Variants in GYPB observed in about 807,000 individuals in gnomAD.
GYPB encodes glycophorin B (MNS blood group), also known as glycophorin-B.
GYPB carries 13 observed loss-of-function variants against 15.3 expected under a neutral mutation model. The ratio of observed to expected loss-of-function variants is 0.85; its 90% CI spans 0.55 to 1.35. The LOEUF (loss-of-function observed/expected upper bound fraction) is 1.35. Among genes scored for constraint, GYPB ranks in the 40% most tolerant of loss-of-function variants. The probability of loss-of-function intolerance (pLI) is 0.00; values close to 1 mark genes in which losing one functional copy is unlikely to be tolerated. For synonymous variants in GYPB, 38 were observed against 36.9 expected, an observed-to-expected ratio of 1.03 and a Z score of -0.11; for missense variants, 131 against 108.3, an observed-to-expected ratio of 1.21 and a Z score of -0.93.
intron 1 of GYPB, among the ~76,000 whole-genome samples, chr4:144,001,490 C>T (rs1459331901): frequency 6.6e-6 from 1 of 151,440 alleles, no homozygotes; most frequent in Non-Finnish European, 1.5e-5. Flanking sequence ...CCAGAAGCCC[C>T]TCCAGAATTT....
chr4:144,014,369 C>A (rs1186077141), intron 1 of GYPB, among the ~76,000 whole-genome samples: 2 of 151,736 alleles, frequency 1.3e-5, no homozygotes, highest in Admixed American at 1.3e-4. Flanking sequence ...GATCGATAAG[C>A]AAAATGTGAT....
In GYPB at chr4:144,012,747, G is replaced by T. The variant is rs1475428409; in HGVS notation, c.37+6504C>A. ...GATAGTCTCTTCAACAAATGGTGCT[G>T]GGACAACTGCAAAATAATAAAGGTG... On this transcript the variant is annotated intron_variant, in intron 1 of 4. Transcript: ENST00000502664. The T allele has an allele frequency of 2.0e-5, 3 of 151,354 alleles. No homozygotes were observed. The East Asian group carries it at 5.8e-4, about 29-fold the overall frequency. The allele number at this position is 151,354 out of a possible 1,614,324, so 9.4% of individuals were successfully genotyped here.
intron 1 of GYPB, chr4:144,002,429 A>T (rs1468223950): frequency 3.1e-6 from 1 of 326,008 alleles, no homozygotes; most frequent in Non-Finnish European, 5.7e-6. Flanking sequence ...GAAGATTTTT[A>T]TGACTGCAGA....
At chr4:144,006,387 G>A (rs544299505) in intron 1 of GYPB, among the ~76,000 whole-genome samples, 1,956 of 151,894 alleles carry the variant, frequency 0.013, 138 homozygotes, top group African/African-American at 0.045. Context: ...CCAAGGAGGT[G>A]GGGTGACTTG....
At chr4:143,995,735 G>C (rs1464881147), downstream of GYPB, among the ~76,000 whole-genome samples, 1 of 151,280 alleles carries the variant, frequency 6.6e-6, no homozygotes, top group African/African-American at 2.5e-5. Flanking sequence ...AAGATCAATG[G>C]ATACTAAAGT....
chr4:144,017,620 A>C lies in GYPB; in HGVS notation c.37+1631T>G, dbSNP rs76082523. ...GCTTGTGTAGTTGTAGAAATTTAAAAAAAAAATCATTTCTTTGCCAGGAAC... is the reference window on the plus strand; with the variant it reads ...GCTTGTGTAGTTGTAGAAATTTAAACAAAAAATCATTTCTTTGCCAGGAAC... On this transcript the variant is annotated intron_variant, in intron 1 of 4. Coordinates refer to ENST00000502664, the MANE Select transcript of GYPB (RefSeq NM_002100.6). Among the ~76,000 whole-genome samples the C allele has an allele frequency of 4.0e-5, 6 of 151,130 alleles. 1 individual carries two copies. Among genetic ancestry groups the C allele is most frequent in the African/African-American group, 1.5e-4 (6 of 40,506 alleles).
rs573445000 is a variant in GYPB at position 144,006,292 on chromosome 4, T to C, written c.38-5009A>G. Among the ~76,000 whole-genome samples, 5 of 152,074 alleles carry C rather than the reference T, an allele frequency of 3.3e-5. No homozygotes were observed. The South Asian group carries it at 1.0e-3, about 31-fold the overall frequency. ...GCTTATACTTGTATAACATCGGATATGTTCCAGAACATTTCACCTCTCTTG... is the reference window on the plus strand; with the variant it reads ...GCTTATACTTGTATAACATCGGATACGTTCCAGAACATTTCACCTCTCTTG... On this transcript the variant is annotated intron_variant, in intron 1 of 4. Coordinates refer to ENST00000502664, the MANE Select transcript of GYPB (RefSeq NM_002100.6).
intron 2 of GYPB, chr4:144,000,026 C>G: frequency 5.3e-6 from 1 of 188,178 alleles, no homozygotes; most frequent in South Asian, 1.2e-4. Context: ...AGTCCACATC[C>G]TACTTTTGTC....
rs1487255816 is a variant in GYPB at position 143,996,345 on chromosome 4, T to A, written c.271-41A>T. 3 of 1,550,006 alleles carry A rather than the reference T, an allele frequency of 1.9e-6. No homozygotes were observed. The Admixed American group carries it at 5.9e-5, about 30-fold the overall frequency. ...AAGAAGTTTCCACTTCAGCCTCTGC[T>A]TGACCATGAGCTAAGACTCCACTTC... On this transcript the variant is annotated intron_variant, in intron 4 of 4. Transcript: ENST00000502664.
chr4:144,005,832 T>A (rs6817686), intron 1 of GYPB, among the ~76,000 whole-genome samples: 147,048 of 151,446 alleles, frequency 0.97, 71,781 homozygotes, highest in East Asian at 1. Flanking sequence ...CTTGCAAATG[T>A]ATCACTGGAT....
chr4:143,995,246 A>G (rs143756556), downstream of GYPB, among the ~76,000 whole-genome samples: 1 of 151,484 alleles, frequency 6.6e-6, no homozygotes, highest in Admixed American at 6.6e-5. Flanking sequence ...GAATTTATAC[A>G]TTCAAAGCAG....
intron 1 of GYPB, among the ~76,000 whole-genome samples, chr4:144,002,955 T>A (rs563730075): frequency 0.016 from 2,425 of 150,880 alleles, 97 homozygotes; most frequent in African/African-American, 0.041. Context: ...ATATGAATTC[T>A]CCAAATAGCA....
Position 144,019,328 on chromosome 4 carries a change from A to G in GYPB, c.-41T>C, listed in dbSNP as rs199894522. 17 of 1,611,528 alleles carry G rather than the reference A, an allele frequency of 1.1e-5. No homozygotes were observed. The highest frequency in any genetic ancestry group is 1.4e-5 in the Non-Finnish European group (16 of 1,179,326). On this transcript the variant is annotated 5_prime_UTR_variant, in exon 1 of 5. Coordinates refer to ENST00000502664, the MANE Select transcript of GYPB (RefSeq NM_002100.6). ...TGGTTCCTGAAGTTAGTGCAAAAAA[A>G]CTACCAAAGACAACTGCAAGTGTCA...
At chr4:144,003,349 A>G (rs1727724992) in intron 1 of GYPB, among the ~76,000 whole-genome samples, 1 of 151,332 alleles carries the variant, frequency 6.6e-6, no homozygotes, top group Non-Finnish European at 1.5e-5. Context: ...CTTGTGTTCA[A>G]GAGTGGCCAA....
In GYPB at chr4:143,997,636, TA is replaced by T; in HGVS notation, c.176-3del. 1 of 1,479,610 alleles carries T rather than the reference TA, an allele frequency of 6.8e-7. No individual in the cohort carries two copies. Among genetic ancestry groups the T allele is most frequent in the Non-Finnish European group, 9.4e-7 (1 of 1,060,242 alleles). 91.7% of individuals were successfully genotyped at this position (1,479,610 alleles called of 1,614,324 possible). ...TAATGAGTATTATCACTACAGGAGC[TA>T]AAGAGAGCAGCAAAATTATGAAAGT... On this transcript the variant is annotated splice_polypyrimidine_tract_variant and splice_region_variant and intron_variant, in intron 3 of 4. Transcript: ENST00000502664.
chr4:143,999,320 T>C, intron 3 of GYPB, 91 bp downstream of exon 3: 1 of 717,268 alleles, frequency 1.4e-6, no homozygotes, highest in Non-Finnish European at 2.5e-6. Context: ...CTCTTCTGTT[T>C]TAAGATAGAC....
intron 2 of GYPB, among the ~76,000 whole-genome samples, chr4:144,000,939 A>G (rs2667333): frequency 0.012 from 1,876 of 151,194 alleles, 102 homozygotes; most frequent in African/African-American, 0.042. Context: ...TCATGGTCAC[A>G]TGTATCATTT....
chr4:144,004,223 A>G (rs1481815146), intron 1 of GYPB, among the ~76,000 whole-genome samples: 2 of 151,868 alleles, frequency 1.3e-5, no homozygotes, highest in Non-Finnish European at 2.9e-5. Flanking sequence ...TAAATGCCCT[A>G]AAGATAATTT....
chr4:144,010,367 G>T (rs932435164), intron 1 of GYPB, among the ~76,000 whole-genome samples: 1 of 151,382 alleles, frequency 6.6e-6, no homozygotes, highest in African/African-American at 2.5e-5. Context: ...TACTTGAGAG[G>T]CAGAAGCTGG....
Sources: gnomAD v4.1 joint callset for allele counts (sites outside exome capture counted in the v4.1 genomes callset) on GRCh38, gnomAD v4.1.1 for gene constraint, MANE v1.5 for transcripts, NCBI Gene and HGNC (gene_info 2026-07-23, HGNC 2026-07-21) for gene names.